SLC33A1: variants seen among roughly 807,000 people sequenced by gnomAD.
SLC33A1 encodes acetyl-coenzyme A transporter 1.
A neutral mutation model predicts 50.0 loss-of-function variants in SLC33A1; 20 were observed. The observed-to-expected ratio is 0.40, with a 90% confidence interval of 0.28 to 0.58. The LOEUF (loss-of-function observed/expected upper bound fraction) is 0.58, where lower values mean the gene tolerates loss of function less well. Ranked by LOEUF, SLC33A1 falls within the 20% of genes least tolerant of loss-of-function variation. The probability of loss-of-function intolerance (pLI) is 0.44; values close to 1 mark genes in which losing one functional copy is unlikely to be tolerated. For synonymous variants in SLC33A1, 265 were observed against 251.8 expected (o/e 1.05, Z -0.50); for missense variants, 476 against 657.0 (o/e 0.72, Z 3.01).
Position 155,828,192 on chromosome 3 carries a change from T to A in SLC33A1, c.*18A>T, listed in dbSNP as rs768658024. 11 of 1,563,508 alleles carry A rather than the reference T, an allele frequency of 7.0e-6. No individual in the cohort carries two copies. Among genetic ancestry groups the A allele is most frequent in the Middle Eastern group, 1.7e-4 (1 of 5,970 alleles). On this transcript the variant is annotated 3_prime_UTR_variant, in exon 6 of 6. Transcript: ENST00000643144. Reference sequence around the variant, plus strand: ...CTAAACTACAATTACCTTGCTAGAATGTCCAGTAGCATATATATTAATTGT... The same window carrying A: ...CTAAACTACAATTACCTTGCTAGAAAGTCCAGTAGCATATATATTAATTGT...
Position 155,829,870 on chromosome 3 carries a change from C to CATTA in SLC33A1, c.1299_1300insTAAT (p.Ala434Ter), listed in dbSNP as rs1241262270. 1 of 1,613,048 alleles carries CATTA rather than the reference C, an allele frequency of 6.2e-7. No individual in the cohort carries two copies. Among genetic ancestry groups the CATTA allele is most frequent in the Non-Finnish European group, 8.5e-7 (1 of 1,179,282 alleles). On this transcript the variant is annotated stop_gained and frameshift_variant, in exon 5 of 6. Transcript: ENST00000643144. LOFTEE classifies it high-confidence loss of function. ...GGATCACTAACCTTTGCATTGAAAG[C>CATTA]CATTATAGAAACATACATGCTGTAC... is the stretch of plus-strand genomic sequence containing the variant.
rs201290926 is a variant in SLC33A1, at chr3:155,828,030, CA to C, written c.*179del. 0.018 allele frequency: 8,635 copies of C among 469,568 alleles called. 1 individual carries two copies. The highest frequency in any genetic ancestry group is 0.024 in the South Asian group (790 of 32,296). 29.1% of individuals were successfully genotyped at this position (469,568 alleles called of 1,614,324 possible). A position where few individuals can be genotyped will look rare whatever the true frequency, so the allele number is the denominator to read the frequency against. On this transcript the variant is annotated 3_prime_UTR_variant, in exon 6 of 6. Coordinates refer to ENST00000643144, the MANE Select transcript of SLC33A1 (RefSeq NM_004733.4). ...GTAAACTTTAAATACATTGACAAGG[CA>C]AAAAAAAAATATGATCAAATATACA...
Position 155,842,439 on chromosome 3 carries a change from G to A in SLC33A1, c.956C>T (p.Thr319Ile), listed in dbSNP as rs371208781. 6.2e-6 allele frequency: 10 copies of A among 1,603,718 alleles called. No homozygotes were observed. In the African/African-American group the frequency reaches 1.2e-4, roughly 19 times the overall value. The change falls in exon 2 of 6, where the codon ACT (threonine) becomes ATT (isoleucine). Residue 319 changes from threonine to isoleucine, a missense_variant. Thr to Ile is a moderately conservative substitution (Grantham distance 89). Transcript: ENST00000643144. ...GATTTATAAATCTCTTACCTTTGCA[G>A]TTAGAATCAGAAGGCAAAATGTCAG... ...AVLTFCLLIL[T>I]AKIGFSAADA...
chr3:155,853,939 C>T lies in SLC33A1; in HGVS notation c.59G>A (p.Ser20Asn). The T allele has an allele frequency of 6.5e-7, 1 of 1,536,622 alleles. No individual in the cohort carries two copies. Among genetic ancestry groups the T allele is most frequent in the Non-Finnish European group, 8.7e-7 (1 of 1,146,818 alleles). The change falls in exon 1 of 6, where the codon AGT becomes AAT. Residue 20 changes from serine to asparagine, a missense_variant. Transcript: ENST00000643144. ...ACCGCTCTTCATATCCAGAGAGTGA[C>T]TGAAATTCCCTGGCCGCCGTTGCCG... ...SSRQRRPGNFSHSLDMKSGPL... is the reference protein window; with the variant it reads ...SSRQRRPGNFNHSLDMKSGPL...
intron 2 of SLC33A1, among the ~76,000 whole-genome samples, chr3:155,839,554 C>A (rs1752842946): frequency 6.6e-6 from 1 of 151,940 alleles, no homozygotes; most frequent in African/African-American, 2.4e-5. Context: ...CATGTAGCTA[C>A]TAACAAGTAT....
At chr3:155,848,183 G>C (rs1208361944) in intron 1 of SLC33A1, among the ~76,000 whole-genome samples, 1 of 152,218 alleles carries the variant, frequency 6.6e-6, no homozygotes, top group South Asian at 2.1e-4. Context: ...GCAGTGCAGT[G>C]GTTATTCACA....
Position 155,833,546 on chromosome 3 carries a change from C to A in SLC33A1, c.1188G>T (p.Trp396Cys). 1 of 1,601,968 alleles carries A rather than the reference C, an allele frequency of 6.2e-7. No individual in the cohort carries two copies. Among genetic ancestry groups the A allele is most frequent in the South Asian group, 1.1e-5 (1 of 90,814 alleles). Residue 396 changes from tryptophan (W) to cysteine (C), a missense_variant, in exon 4 of 6, where the codon TGG (tryptophan) becomes TGT (cysteine). By Grantham distance (215) the Trp-to-Cys change is radical. Transcript: ENST00000643144. ...CCCCTTGATGTTCTACTTTAGGAGTCCACCAAACCAGTAGGGCATATTCTA... is the reference window on the plus strand; with the variant it reads ...CCCCTTGATGTTCTACTTTAGGAGTACACCAAACCAGTAGGGCATATTCTA... ...LGLEYALLVW[W>C]TPKVEHQGGF...
Position 155,854,248 on chromosome 3 carries a change from G to A in SLC33A1, c.-251C>T, listed in dbSNP as rs1269280713. ...TGGAACGGCGTCAAAGAGCCTGAAG[G>A]AGACCCCCGGGCAGCAGCGCCGGGC... On this transcript the variant is annotated 5_prime_UTR_variant, in exon 1 of 6. Transcript: ENST00000643144. The A allele has an allele frequency of 5.4e-6, 2 of 373,008 alleles. No homozygotes were observed. Among genetic ancestry groups the A allele is most frequent in the Non-Finnish European group, 9.7e-6 (2 of 207,028 alleles). 23.1% of individuals were successfully genotyped at this position (373,008 alleles called of 1,614,324 possible).
intron 2 of SLC33A1, among the ~76,000 whole-genome samples, chr3:155,834,246 C>T (rs1251137363): frequency 1.3e-5 from 2 of 152,018 alleles, no homozygotes; most frequent in Non-Finnish European, 2.9e-5. Context: ...TAAGTGAAAA[C>T]AACTGAAAAT....
chr3:155,852,215 G>A (rs1753425223), intron 1 of SLC33A1, among the ~76,000 whole-genome samples: 1 of 152,026 alleles, frequency 6.6e-6, no homozygotes, highest in Non-Finnish European at 1.5e-5. Flanking sequence ...CAGTACTTTG[G>A]GAGGCCAAGG....
chr3:155,842,766 TG>T, intron 1 of SLC33A1, 147 bp from the exon 2 acceptor site: 1 of 482,378 alleles, frequency 2.1e-6, no homozygotes, highest in East Asian at 3.8e-5. Context: ...CCTAGCACTT[TG>T]GGAGGCCAAG....
At chr3:155,834,976 A>G (rs945896699) in intron 2 of SLC33A1, among the ~76,000 whole-genome samples, 1 of 152,192 alleles carries the variant, frequency 6.6e-6, no homozygotes, top group East Asian at 1.9e-4. Flanking sequence ...CCTAGATTAG[A>G]TCCCCAACAA....
chr3:155,847,423 G>A (rs958232014), intron 1 of SLC33A1, among the ~76,000 whole-genome samples: 1 of 151,984 alleles, frequency 6.6e-6, no homozygotes, highest in Non-Finnish European at 1.5e-5. Context: ...TCATCAGGTA[G>A]GAATTAATAG....
At chr3:155,851,116 C>A (rs1753382448) in intron 1 of SLC33A1, among the ~76,000 whole-genome samples, 2 of 151,766 alleles carry the variant, frequency 1.3e-5, no homozygotes, top group Admixed American at 1.3e-4. Flanking sequence ...GTGGCACATG[C>A]CTGTAATCCC....
chr3:155,828,769 T>C (rs947393956), intron 5 of SLC33A1, among the ~76,000 whole-genome samples: 2 of 151,870 alleles, frequency 1.3e-5, no homozygotes, highest in Admixed American at 1.3e-4. Context: ...TCTACATTTT[T>C]TGTAGAGATG....
intron 1 of SLC33A1, among the ~76,000 whole-genome samples, chr3:155,850,748 C>T (rs1753365577): frequency 6.6e-6 from 1 of 151,662 alleles, no homozygotes. Context: ...TCCTGAGTAG[C>T]TGGGATTACA....
rs1378670076 is a variant in SLC33A1, at chr3:155,825,666, G to A, written c.*2544C>T. The A allele has an allele frequency of 1.3e-5, 2 of 152,146 alleles. No homozygotes were observed. Among genetic ancestry groups the A allele is most frequent in the African/African-American group, 2.4e-5 (1 of 41,436 alleles). 9.4% of individuals were successfully genotyped at this position (152,146 alleles called of 1,614,324 possible). A position where few individuals can be genotyped will look rare whatever the true frequency, so the allele number is the denominator to read the frequency against. On this transcript the variant is annotated 3_prime_UTR_variant, in exon 6 of 6. Coordinates refer to ENST00000643144, the MANE Select transcript of SLC33A1 (RefSeq NM_004733.4). The stretch of plus-strand genomic sequence containing the variant: ...CAGATGTATATATGCGGCAACCAAT[G>A]TGCATATGGAGATACTGACATAGAG...
chr3:155,848,564 C>T (rs754981168), intron 1 of SLC33A1, among the ~76,000 whole-genome samples: 3 of 152,046 alleles, frequency 2.0e-5, no homozygotes, highest in Non-Finnish European at 4.4e-5. Context: ...CGCCTGTAGT[C>T]CCAGCTACTC....
Position 155,842,621 on chromosome 3 carries a change from T to C in SLC33A1, c.776-2A>G. The C allele has an allele frequency of 1.4e-6, 2 of 1,474,152 alleles. No homozygotes were observed. The highest frequency in any genetic ancestry group is 9.3e-7 in the Non-Finnish European group (1 of 1,077,804). The allele number at this position is 1,474,152 out of a possible 1,614,324, so 91.3% of individuals were successfully genotyped here. A position where few individuals can be genotyped will look rare whatever the true frequency, so the allele number is the denominator to read the frequency against. Reference sequence around the variant, plus strand: ...CAGTTCCCCAGAAAAAAAGGAAATCTGAAAATGTTTTAAATCTATAATTAA... The same window carrying C: ...CAGTTCCCCAGAAAAAAAGGAAATCCGAAAATGTTTTAAATCTATAATTAA... On this transcript the variant is annotated splice_acceptor_variant, in intron 1 of 5. Coordinates refer to ENST00000643144, the MANE Select transcript of SLC33A1 (RefSeq NM_004733.4). LOFTEE classifies it high-confidence loss of function.
Sources: gnomAD v4.1 joint callset for allele counts (sites outside exome capture counted in the v4.1 genomes callset) on GRCh38, gnomAD v4.1.1 for gene constraint, MANE v1.5 for transcripts, NCBI Gene and HGNC (gene_info 2026-07-23, HGNC 2026-07-21) for gene names.